UIMC1: variants seen among roughly 807,000 people sequenced by gnomAD.
The protein encoded by UIMC1 is ubiquitin interaction motif containing 1.
UIMC1 carries 42 observed loss-of-function variants against 84.9 expected under a neutral mutation model. The observed-to-expected ratio is 0.49, with a 90% CI of 0.39 to 0.64. The LOEUF (loss-of-function observed/expected upper bound fraction) is 0.64. UIMC1 is among the 30% of genes least tolerant of loss of function. UIMC1 has a pLI of 0.00. For missense variants in UIMC1, 825 were observed against 847.6 expected (o/e 0.97, Z 0.33); for synonymous variants, 281 against 293.0 (o/e 0.96, Z 0.42).
chr5:176,927,871 G>A lies in UIMC1; in HGVS notation c.1597+15464C>T, dbSNP rs868843861. 7.0e-4 allele frequency among the ~76,000 whole-genome samples: 101 copies of A among 143,408 alleles called. No individual in the cohort carries two copies. The Middle Eastern group carries it at 0.041, about 58-fold the overall frequency. 94.1% of individuals were successfully genotyped at this position (143,408 alleles called of 152,430 possible). On this transcript the variant is annotated intron_variant, in intron 10 of 14. Coordinates refer to ENST00000511320, the MANE Select transcript of UIMC1 (RefSeq NM_001199298.2). Reference sequence around the variant, plus strand: ...GCCAGCTTTTTTTTTTTTTTTTTGAGACAGAGTTTCACTCTTGTTGCCCAG... The same window carrying A: ...GCCAGCTTTTTTTTTTTTTTTTTGAAACAGAGTTTCACTCTTGTTGCCCAG...
At chr5:176,931,802 T>C (rs939928491) in intron 10 of UIMC1, among the ~76,000 whole-genome samples, 2 of 151,984 alleles carry the variant, frequency 1.3e-5, no homozygotes, top group African/African-American at 4.8e-5. Flanking sequence ...CTGGCCAAGA[T>C]AGTGAAACCC....
intron 1 of UIMC1, among the ~76,000 whole-genome samples, chr5:176,986,359 CA>C (rs71583560): frequency 0.077 from 2,148 of 27,770 alleles, 19 homozygotes; most frequent in African/African-American, 0.13. Flanking sequence ...GACTTCATCT[CA>C]AAAAAAAAAA....
At chr5:176,974,499 T>A (rs411584) in intron 3 of UIMC1, among the ~76,000 whole-genome samples, 1 of 151,942 alleles carries the variant, frequency 6.6e-6, no homozygotes, top group African/African-American at 2.4e-5. Context: ...TCTTAGGACA[T>A]AGAAAGAAAA....
chr5:176,933,865 AT>A (rs1763412980), intron 10 of UIMC1, among the ~76,000 whole-genome samples: 2 of 152,096 alleles, frequency 1.3e-5, no homozygotes, highest in Non-Finnish European at 2.9e-5. Flanking sequence ...AGAAAAAAAA[AT>A]AGGTTAAAAA....
At chr5:176,981,265 C>G (rs1771007036) in intron 2 of UIMC1, among the ~76,000 whole-genome samples, 1 of 150,792 alleles carries the variant, frequency 6.6e-6, no homozygotes, top group African/African-American at 2.4e-5. Context: ...CTGACTCAGC[C>G]TCCAAAGTAG....
chr5:177,002,112 C>T (rs1774588660), intron 1 of UIMC1: 2 of 143,832 alleles, frequency 1.4e-5, no homozygotes, highest in African/African-American at 2.7e-5. Flanking sequence ...AACAGTAAGA[C>T]TGTCTCAAAA....
intron 3 of UIMC1, 139 bp from the exon 4 acceptor site, chr5:176,971,005 G>A: frequency 3.3e-6 from 4 of 1,210,120 alleles, no homozygotes; most frequent in Non-Finnish European, 4.5e-6. Flanking sequence ...TTGTAAATGA[G>A]GAAAACCCCA....
intron 10 of UIMC1, among the ~76,000 whole-genome samples, chr5:176,921,037 G>C (rs1012119252): frequency 6.6e-6 from 1 of 152,110 alleles, no homozygotes; most frequent in Non-Finnish European, 1.5e-5. Context: ...TTTAGATATC[G>C]TGTGGTTTTT....
intron 8 of UIMC1, 130 bp from the exon 9 acceptor site, chr5:176,951,707 C>A (rs1264232387): frequency 5.1e-6 from 3 of 589,474 alleles, no homozygotes; most frequent in African/African-American, 3.9e-5. Context: ...ATTAATAGAT[C>A]TAGTTTGTTT....
chr5:176,932,623 C>T (rs1243855681), intron 10 of UIMC1, among the ~76,000 whole-genome samples: 1 of 152,134 alleles, frequency 6.6e-6, no homozygotes, highest in African/African-American at 2.4e-5. Context: ...TTGCAACCTA[C>T]CAGAAAGAAT....
At chr5:177,016,780 T>C (rs1001304824) in intron 1 of UIMC1, among the ~76,000 whole-genome samples, 2 of 151,880 alleles carry the variant, frequency 1.3e-5, no homozygotes, top group African/African-American at 4.8e-5. Context: ...CCCAGAACTT[T>C]GGGAGGCCGA....
chr5:176,947,644 C>G (rs988865349), intron 9 of UIMC1, among the ~76,000 whole-genome samples: 1 of 151,844 alleles, frequency 6.6e-6, no homozygotes, highest in Non-Finnish European at 1.5e-5. Context: ...CGGTGAAACC[C>G]CATCTCTACT....
intron 3 of UIMC1, among the ~76,000 whole-genome samples, chr5:176,973,503 C>G (rs931147356): frequency 2.0e-5 from 3 of 150,370 alleles, no homozygotes; most frequent in African/African-American, 7.4e-5. Flanking sequence ...TTGCTCAAGT[C>G]CAGGTGGTCG....
At chr5:176,960,263 A>G (rs1767180185) in intron 6 of UIMC1, among the ~76,000 whole-genome samples, 1 of 152,222 alleles carries the variant, frequency 6.6e-6, no homozygotes, top group South Asian at 2.1e-4. Context: ...AAAAACTATT[A>G]TATTGCTTAC....
chr5:177,015,630 G>A lies in UIMC1; in HGVS notation c.-9+6834C>T, dbSNP rs1775653609. Among the ~76,000 whole-genome samples the A allele has an allele frequency of 2.0e-5, 3 of 152,164 alleles. No individual in the cohort carries two copies. In the South Asian group the frequency reaches 6.2e-4, roughly 31 times the overall value. On this transcript the variant is annotated intron_variant, in intron 1 of 5. Coordinates refer to the UIMC1 transcript ENST00000509236. ...ACTATAATGGAGAAAAGGCTGGAAA[G>A]CATTACTTGACTCTAACCCAAAATC...
chr5:176,910,584 GTCT>G (rs1760002553), intron 11 of UIMC1, among the ~76,000 whole-genome samples: 1 of 152,186 alleles, frequency 6.6e-6, no homozygotes, highest in Non-Finnish European at 1.5e-5. Context: ...CAACCAAAAA[GTCT>G]TCTATATTGC....
chr5:176,999,809 GAC>G, intron 1 of UIMC1, among the ~76,000 whole-genome samples: 1 of 152,146 alleles, frequency 6.6e-6, no homozygotes, highest in South Asian at 2.1e-4. Context: ...TCTGTTGATG[GAC>G]ACAGATTGAT....
At chr5:176,999,330 G>A (rs955058635) in intron 1 of UIMC1, among the ~76,000 whole-genome samples, 4 of 152,092 alleles carry the variant, frequency 2.6e-5, no homozygotes, top group Non-Finnish European at 5.9e-5. Context: ...GAGATGCTTT[G>A]TTACAGGTAC....
chr5:176,945,975 T>G (rs969559477), intron 9 of UIMC1, among the ~76,000 whole-genome samples: 6 of 152,080 alleles, frequency 3.9e-5, no homozygotes, highest in African/African-American at 1.4e-4. Context: ...TACATAGAAA[T>G]GTACTGTACT....
Sources: allele counts gnomAD v4.1 joint callset (sites outside exome capture counted in the v4.1 genomes callset), GRCh38; gene constraint gnomAD v4.1.1; transcripts MANE v1.5; gene names NCBI Gene and HGNC (gene_info 2026-07-23, HGNC 2026-07-21).